The following RPH3AL variants were observed in gnomAD, a reference collection of about 807,000 sequenced individuals.
The protein encoded by RPH3AL is rab effector Noc2.
Under a neutral mutation model 43.1 loss-of-function variants are expected in RPH3AL, and 38 were observed. The ratio of observed to expected loss-of-function variants is 0.88; its 90% CI spans 0.68 to 1.15. The LOEUF (loss-of-function observed/expected upper bound fraction) is 1.15. RPH3AL is among the 50% of genes most tolerant of loss of function. The pLI is 0.00. For missense variants in RPH3AL, 462 were observed against 423.2 expected (o/e 1.09, Z -0.81); for synonymous variants, 189 against 176.3 (o/e 1.07, Z -0.57).
intron 6 of RPH3AL, among the ~76,000 whole-genome samples, chr17:270,807 T>C (rs2042444688): frequency 6.6e-6 from 1 of 152,256 alleles, no homozygotes; most frequent in Non-Finnish European, 1.5e-5. Flanking sequence ...ATTTTGGCTT[T>C]TGTTGCCATT....
intron 5 of RPH3AL, among the ~76,000 whole-genome samples, chr17:300,904 G>T (rs112062449): frequency 0.022 from 2,739 of 125,788 alleles, 105 homozygotes; most frequent in African/African-American, 0.085. Context: ...ACCTGCAGAA[G>T]CTCTCACCCA....
chr17:334,570 C>T (rs921976070), intron 1 of RPH3AL, among the ~76,000 whole-genome samples: 4 of 135,514 alleles, frequency 3.0e-5, no homozygotes, highest in African/African-American at 1.1e-4. Flanking sequence ...TCCCCCAGGG[C>T]CAGCCCATCC....
intron 2 of RPH3AL, among the ~76,000 whole-genome samples, chr17:330,208 G>A (rs1324060104): frequency 2.6e-5 from 4 of 152,170 alleles, no homozygotes; most frequent in African/African-American, 7.2e-5. Flanking sequence ...CACACTGGTC[G>A]CTCTACCCCA....
intron 5 of RPH3AL, among the ~76,000 whole-genome samples, chr17:310,464 G>C (rs1223039442): frequency 6.6e-6 from 1 of 152,126 alleles, no homozygotes; most frequent in African/African-American, 2.4e-5. Context: ...CCACGGCAGG[G>C]ATCTCCCCAG....
intron 3 of RPH3AL, chr17:321,672 G>GCCCA: frequency 2.2e-6 from 1 of 447,160 alleles, no homozygotes; most frequent in Non-Finnish European, 4.0e-6. Flanking sequence ...AACAGAGACG[G>GCCCA]GGCAGGTGCT....
Position 290,303 on chromosome 17 carries a change from G to A in RPH3AL, c.352-8449C>T, listed in dbSNP as rs996200951. ...CAAGTGTCCGAGGAGGTGGGGTGGT[G>A]GCCAGGTGGGCCTCAGTCTCAGGGT... On this transcript the variant is annotated intron_variant, in intron 5 of 9. Transcript: ENST00000331302. This position sits in a 1 kb window ranked among gnomAD's most constrained non-coding sequence, Gnocchi z 4.2. 6.6e-6 allele frequency among the ~76,000 whole-genome samples: 1 copy of A among 152,210 alleles called. No individual in the cohort carries two copies. The highest frequency in any genetic ancestry group is 6.5e-5 in the Admixed American group (1 of 15,280).
intron 7 of RPH3AL, among the ~76,000 whole-genome samples, chr17:243,513 C>T (rs1407099985): frequency 6.9e-6 from 1 of 144,656 alleles, no homozygotes; most frequent in African/African-American, 2.6e-5. Context: ...TGATTACCTT[C>T]CTCTATTGAT....
At chr17:331,657 C>G (rs1159093164) in intron 2 of RPH3AL, 3 of 1,288,078 alleles carry the variant, frequency 2.3e-6, no homozygotes, top group Non-Finnish European at 3.0e-6. Flanking sequence ...CAGAGGCTCC[C>G]TGACTCGGCA....
At chr17:351,951 C>T (rs1017609186) in intron 1 of RPH3AL, among the ~76,000 whole-genome samples, 20 of 152,256 alleles carry the variant, frequency 1.3e-4, no homozygotes, top group African/African-American at 4.8e-4. Flanking sequence ...CGAAACGGGC[C>T]CCTGCATGTG....
chr17:215,053 G>A lies in RPH3AL; in HGVS notation c.876+601C>T, dbSNP rs374113269. Among the ~76,000 whole-genome samples the A allele has an allele frequency of 3.3e-4, 51 of 152,312 alleles. No individual in the cohort carries two copies. The highest frequency in any genetic ancestry group is 8.9e-4 in the African/African-American group (37 of 41,568). Reference sequence around the variant, plus strand: ...CGGGTGCCCTCCACACCCCGGGGACGGAGATCAGCTGCTGCCCTGGTGCAT... The same window carrying A: ...CGGGTGCCCTCCACACCCCGGGGACAGAGATCAGCTGCTGCCCTGGTGCAT... On this transcript the variant is annotated intron_variant, in intron 9 of 9. Coordinates refer to ENST00000331302, the MANE Select transcript of RPH3AL (RefSeq NM_006987.4). This position sits in a 1 kb window ranked among gnomAD's most constrained non-coding sequence, Gnocchi z 4.1.
intron 6 of RPH3AL, among the ~76,000 whole-genome samples, chr17:268,559 T>TTTG (rs1452341438): frequency 7.4e-4 from 95 of 129,192 alleles, no homozygotes; most frequent in Non-Finnish European, 1.1e-3. Context: ...TTGGGTTTTT[T>TTTG]TTTTTTTTTT....
intron 5 of RPH3AL, among the ~76,000 whole-genome samples, chr17:310,080 C>T (rs1457385090): frequency 6.6e-6 from 1 of 152,118 alleles, no homozygotes; most frequent in Non-Finnish European, 1.5e-5. Context: ...CAAATGGTGA[C>T]AATGCATCCC....
intron 6 of RPH3AL, among the ~76,000 whole-genome samples, chr17:269,438 G>A (rs192645230): frequency 1.8e-4 from 27 of 152,268 alleles, no homozygotes; most frequent in Admixed American, 5.2e-4. Flanking sequence ...CTATTTCACC[G>A]TTGCTGTTTT....
chr17:258,269 G>T (rs929703992), intron 6 of RPH3AL, among the ~76,000 whole-genome samples: 1 of 152,182 alleles, frequency 6.6e-6, no homozygotes, highest in Non-Finnish European at 1.5e-5. Flanking sequence ...GTTTCTTCAA[G>T]CTCCTAGCAC....
At chr17:296,974 C>T (rs561328672) in intron 5 of RPH3AL, among the ~76,000 whole-genome samples, 16 of 152,122 alleles carry the variant, frequency 1.1e-4, no homozygotes, top group East Asian at 1.9e-4. Flanking sequence ...GAGGACAAAC[C>T]GTAACACCGA....
intron 6 of RPH3AL, among the ~76,000 whole-genome samples, chr17:251,621 T>G (rs12451236): frequency 1.3e-5 from 2 of 152,140 alleles, no homozygotes; most frequent in Non-Finnish European, 2.9e-5. Context: ...GACACCAGAG[T>G]GGAGAGGACT....
chr17:317,423 A>T (rs1294869700), intron 5 of RPH3AL, among the ~76,000 whole-genome samples: 1 of 142,958 alleles, frequency 7.0e-6, no homozygotes, highest in Non-Finnish European at 1.5e-5. Flanking sequence ...TGTGCTCCAC[A>T]CCTCCATTGA....
chr17:321,195 G>A, intron 4 of RPH3AL, 77 bp downstream of exon 4: 14 of 1,509,840 alleles, frequency 9.3e-6, no homozygotes, highest in South Asian at 1.2e-5. Flanking sequence ...GACCCGGAGT[G>A]CCGGCCTCCC....
intron 6 of RPH3AL, among the ~76,000 whole-genome samples, chr17:279,899 T>C (rs979341024): frequency 6.6e-6 from 1 of 152,140 alleles, no homozygotes; most frequent in African/African-American, 2.4e-5. Context: ...ACTTCAACAG[T>C]CTTACTGAAT....
Sources: gnomAD v4.1 joint callset for allele counts (sites outside exome capture counted in the v4.1 genomes callset) on GRCh38, gnomAD v4.1.1 for gene constraint, Gnocchi (gnomAD v3.1) non-coding constraint, MANE v1.5 for transcripts, NCBI Gene and HGNC (gene_info 2026-07-23, HGNC 2026-07-21) for gene names.